Variants in ATG10 observed in about 807,000 individuals in gnomAD.
The protein encoded by ATG10 is autophagy related 10, also known as ubiquitin-like-conjugating enzyme ATG10.
Under a neutral mutation model 32.1 loss-of-function variants are expected in ATG10, and 30 were observed. That is an observed-to-expected ratio of 0.94 (90% confidence interval 0.70 to 1.27). The LOEUF (loss-of-function observed/expected upper bound fraction) is 1.27. ATG10 is among the 50% of genes most tolerant of loss of function. The probability of loss-of-function intolerance (pLI) is 0.00; values close to 1 mark genes in which losing one functional copy is unlikely to be tolerated. For missense variants in ATG10, 233 were observed against 262.3 expected (o/e 0.89, Z 0.77); for synonymous variants, 87 against 91.5 (o/e 0.95, Z 0.28).
intron 5 of ATG10, among the ~76,000 whole-genome samples, chr5:82,191,858 T>G (rs1469154217): frequency 6.6e-6 from 1 of 152,176 alleles, no homozygotes; most frequent in African/African-American, 2.4e-5. Flanking sequence ...ATCCAAATCC[T>G]TGGAACTTGT....
chr5:81,996,449 A>C (rs1177035550), intron 2 of ATG10, among the ~76,000 whole-genome samples: 1 of 152,190 alleles, frequency 6.6e-6, no homozygotes, highest in Non-Finnish European at 1.5e-5. Context: ...TATGTTGCCC[A>C]GGCTGGTCTC....
intron 5 of ATG10, among the ~76,000 whole-genome samples, chr5:82,226,078 A>G (rs1192572757): frequency 6.6e-6 from 1 of 151,966 alleles, no homozygotes; most frequent in Non-Finnish European, 1.5e-5. Context: ...CCAAATTCAC[A>G]TTTCTTTACT....
intron 3 of ATG10, among the ~76,000 whole-genome samples, chr5:82,157,531 T>C (rs990577249): frequency 6.6e-6 from 1 of 152,216 alleles, no homozygotes; most frequent in Non-Finnish European, 1.5e-5. Context: ...ACCACTCCAC[T>C]GTATGATAAT....
intron 1 of ATG10, among the ~76,000 whole-genome samples, chr5:81,979,378 A>G (rs1760965339): frequency 6.6e-6 from 1 of 152,126 alleles, no homozygotes; most frequent in East Asian, 1.9e-4. Context: ...AATACAAAAA[A>G]TTAGCTGGGC....
intron 5 of ATG10, among the ~76,000 whole-genome samples, chr5:82,197,135 T>C (rs1430028876): frequency 1.3e-5 from 2 of 152,172 alleles, no homozygotes; most frequent in African/African-American, 4.8e-5. Flanking sequence ...TCCTACATAT[T>C]TTGTTCTTTT....
chr5:82,072,057 G>A lies in ATG10; in HGVS notation c.216+13455G>A, dbSNP rs536342295. Reference sequence around the variant, plus strand: ...GGGGATAAAGTGAGGAGGATCCTAAGCGATTACCCTCACTAATTTCAAGTA... The same window carrying A: ...GGGGATAAAGTGAGGAGGATCCTAAACGATTACCCTCACTAATTTCAAGTA... On this transcript the variant is annotated intron_variant, in intron 3 of 7. Coordinates refer to ENST00000282185, the MANE Select transcript of ATG10 (RefSeq NM_031482.5). Among the ~76,000 whole-genome samples the A allele has an allele frequency of 3.3e-5, 5 of 152,268 alleles. No individual in the cohort carries two copies. The South Asian group carries it at 1.0e-3, about 32-fold the overall frequency.
chr5:82,007,000 C>T (rs1173164119), intron 2 of ATG10, among the ~76,000 whole-genome samples: 2 of 152,044 alleles, frequency 1.3e-5, no homozygotes, highest in East Asian at 1.9e-4. Context: ...GCTACAGGTG[C>T]GTGCCACCAT....
At chr5:82,048,870 A>G (rs1253024180) in intron 2 of ATG10, among the ~76,000 whole-genome samples, 11 of 152,198 alleles carry the variant, frequency 7.2e-5, no homozygotes, top group Non-Finnish European at 1.5e-4. Context: ...ACCAGTTAGA[A>G]TGGCAATCAT....
chr5:81,986,210 T>C (rs542377585), intron 1 of ATG10, among the ~76,000 whole-genome samples: 2 of 152,258 alleles, frequency 1.3e-5, no homozygotes, highest in Admixed American at 6.5e-5. Flanking sequence ...CTTTTTTACT[T>C]TGATGTTTGG....
intron 3 of ATG10, among the ~76,000 whole-genome samples, chr5:82,093,556 A>G (rs1453814724): frequency 2.0e-5 from 3 of 152,164 alleles, no homozygotes; most frequent in Non-Finnish European, 4.4e-5. Flanking sequence ...TTTTGTAAAT[A>G]GTTTTATTGG....
At chr5:82,146,614 T>G (rs1767370199) in intron 3 of ATG10, among the ~76,000 whole-genome samples, 1 of 143,608 alleles carries the variant, frequency 7.0e-6, no homozygotes, top group South Asian at 2.1e-4. Flanking sequence ...TTTTCTTTTG[T>G]TTTTTTTTTT....
chr5:82,048,880 T>C (rs1293113127), intron 2 of ATG10, among the ~76,000 whole-genome samples: 1 of 152,124 alleles, frequency 6.6e-6, no homozygotes, highest in Non-Finnish European at 1.5e-5. Flanking sequence ...ATGGCAATCA[T>C]TAAAAAGTCA....
chr5:82,214,722 G>A (rs1201300799), intron 5 of ATG10, among the ~76,000 whole-genome samples: 1 of 152,188 alleles, frequency 6.6e-6, no homozygotes, highest in Non-Finnish European at 1.5e-5. Flanking sequence ...CTGCAAGAGA[G>A]TGGATCTCTC....
At chr5:81,993,375 T>TCCTTCCTTCC (rs1561244233) in intron 2 of ATG10, among the ~76,000 whole-genome samples, 1 of 33,774 alleles carries the variant, frequency 3.0e-5, no homozygotes. Flanking sequence ...TTTCTTTTCT[T>TCCTTCCTTCC]TTCTTTTCTT....
chr5:82,162,058 G>A (rs1743371540), intron 3 of ATG10, among the ~76,000 whole-genome samples: 1 of 151,868 alleles, frequency 6.6e-6, no homozygotes, highest in South Asian at 2.1e-4. Flanking sequence ...AAAACAGAAA[G>A]TGTTTTTTAT....
chr5:82,090,232 C>A (rs145710273), intron 3 of ATG10, among the ~76,000 whole-genome samples: 1 of 151,964 alleles, frequency 6.6e-6, no homozygotes, highest in Non-Finnish European at 1.5e-5. Flanking sequence ...ATACAATTAC[C>A]ATATGACCCA....
At chr5:81,993,201 A>G (rs1329378340) in intron 2 of ATG10, among the ~76,000 whole-genome samples, 1 of 152,064 alleles carries the variant, frequency 6.6e-6, no homozygotes, top group Non-Finnish European at 1.5e-5. Flanking sequence ...TTATCTGTAA[A>G]GTAGGAATAA....
At chr5:81,986,723 C>CATATAA (rs1458320572) in intron 1 of ATG10, among the ~76,000 whole-genome samples, 8 of 151,996 alleles carry the variant, frequency 5.3e-5, no homozygotes, top group Admixed American at 2.0e-4. Context: ...CTATGCTAAG[C>CATATAA]ACCAAAGATA....
At position 82,093,487 on chromosome 5, in the gene ATG10, CCTCTA is replaced by C. The variant is rs757520479; in HGVS notation, c.216+34886_216+34890del. 2.3e-3 allele frequency among the ~76,000 whole-genome samples: 355 copies of C among 152,310 alleles called. 2 individuals carry two copies. The highest frequency in any genetic ancestry group is 3.3e-3 in the Non-Finnish European group (224 of 68,024). On this transcript the variant is annotated intron_variant, in intron 3 of 7. Coordinates refer to ENST00000282185, the MANE Select transcript of ATG10 (RefSeq NM_031482.5). ...TCTCTGCTTAACATGTTCAAACCTT[CCTCTA>C]GCTCAGGGGATGACAAATGGCAGCC...
Sources: gnomAD v4.1 joint callset for allele counts (sites outside exome capture counted in the v4.1 genomes callset) on GRCh38, gnomAD v4.1.1 for gene constraint, MANE v1.5 for transcripts, NCBI Gene and HGNC (gene_info 2026-07-23, HGNC 2026-07-21) for gene names.